Variants in ZNF91 observed in about 807,000 individuals in gnomAD.
The protein encoded by ZNF91 is zinc finger protein 91 (HPF7, HTF10).
A neutral mutation model predicts 12.6 loss-of-function variants in ZNF91; 7 were observed. That is an observed-to-expected ratio of 0.55 (90% CI 0.31 to 1.04). The LOEUF (loss-of-function observed/expected upper bound fraction) is 1.04, where lower values mean the gene tolerates loss of function less well. Ranked by LOEUF, ZNF91 falls within the 50% of genes least tolerant of loss-of-function variation. The probability of loss-of-function intolerance (pLI) is 0.05; values close to 1 mark genes in which losing one functional copy is unlikely to be tolerated. For missense variants in ZNF91, 1,217 were observed against 1,385.4 expected (o/e 0.88, Z 1.93); for synonymous variants, 453 against 462.6 (o/e 0.98, Z 0.27).
At chr19:23,329,771 A>G (rs1464531531) in intron 1 of ZNF91, among the ~76,000 whole-genome samples, 2 of 152,150 alleles carry the variant, frequency 1.3e-5, no homozygotes, top group East Asian at 3.9e-4. Context: ...ATGGCAAACA[A>G]AATAGTGATG....
rs752658927 is a variant in ZNF91 at position 23,361,422 on chromosome 19, T to G, written c.1557A>C (p.Lys519Asn). The change falls in exon 4 of 4, where the codon AAA becomes AAC. Residue 519 changes from lysine (K) to asparagine (N), a missense_variant. Lys to Asn is a moderately conservative substitution (Grantham distance 94). Transcript: ENST00000300619. Reference protein sequence around the residue: ...KIIHTGEKPYKFEECGKAFRQ... With the variant: ...KIIHTGEKPYNFEECGKAFRQ... ...TAAAAGCTTTGCCACATTCTTCAAA[T>G]TTGTAGGGTTTCTCTCCAGTATGAA... 7.4e-6 allele frequency: 12 copies of G among 1,613,434 alleles called. No homozygotes were observed. The highest frequency in any genetic ancestry group is 1.0e-5 in the Non-Finnish European group (12 of 1,179,736).
downstream of ZNF91, among the ~76,000 whole-genome samples, chr19:23,355,820 G>T (rs191196514): frequency 6.6e-6 from 1 of 151,838 alleles, no homozygotes; most frequent in South Asian, 2.1e-4. Flanking sequence ...AAAAACAATC[G>T]CATCAAAAAG....
At position 23,380,345 on chromosome 19, in the gene ZNF91, G is replaced by A. The variant is rs1207218526; in HGVS notation, c.31-5581C>T. The A allele has an allele frequency of 4.9e-5, 7 of 143,664 alleles. No individual in the cohort carries two copies. The East Asian group carries it at 8.1e-4, about 17-fold the overall frequency. 8.9% of individuals were successfully genotyped at this position (143,664 alleles called of 1,614,324 possible). A position where few individuals can be genotyped will look rare whatever the true frequency, so the allele number is the denominator to read the frequency against. ...CAGAAGGAGAGCTTGCAGGCCTCCC[G>A]GGTAGAATCGCACCTTCACAATAAT... On this transcript the variant is annotated intron_variant, in intron 1 of 3. Transcript: ENST00000300619.
chr19:23,388,039 A>T (rs1048428603), intron 1 of ZNF91, among the ~76,000 whole-genome samples: 1 of 151,456 alleles, frequency 6.6e-6, no homozygotes, highest in African/African-American at 2.4e-5. Context: ...TAAGGTCAGG[A>T]GTTCCAGACC....
chr19:23,366,562 T>C (rs1022525479), intron 3 of ZNF91, among the ~76,000 whole-genome samples: 2 of 152,150 alleles, frequency 1.3e-5, no homozygotes, highest in Admixed American at 1.3e-4. Flanking sequence ...GCAGACTGTA[T>C]AAAAAGTCTG....
rs903527858 is a variant in ZNF91 at position 23,358,601 on chromosome 19, C to CT, written c.*801dup. 2 of 152,440 alleles carry CT rather than the reference C, an allele frequency of 1.3e-5. No individual in the cohort carries two copies. The highest frequency in any genetic ancestry group is 4.8e-5 in the African/African-American group (2 of 41,430). The allele number at this position is 152,440 out of a possible 1,614,324, so 9.4% of individuals were successfully genotyped here. On this transcript the variant is annotated 3_prime_UTR_variant, in exon 4 of 4. Coordinates refer to ENST00000300619, the MANE Select transcript of ZNF91 (RefSeq NM_003430.4). ...GTACGATGTGAGCAGGTATTAATGG[C>CT]TTTTTGTCTATATTTGTTCACTTTT...
At chr19:23,319,991 G>A (rs1333560520) in intron 1 of ZNF91, among the ~76,000 whole-genome samples, 1 of 152,194 alleles carries the variant, frequency 6.6e-6, no homozygotes, top group African/African-American at 2.4e-5. Flanking sequence ...AAGCCCACAA[G>A]TGGTACAGAG....
intron 1 of ZNF91, among the ~76,000 whole-genome samples, chr19:23,329,883 T>C (rs1967896889): frequency 6.6e-6 from 1 of 151,786 alleles, no homozygotes; most frequent in African/African-American, 2.4e-5. Flanking sequence ...CCCCAGAGAG[T>C]TCCATCAAGG....
chr19:23,351,384 G>A (rs1008601241), intron 3 of ZNF91, among the ~76,000 whole-genome samples: 4 of 151,954 alleles, frequency 2.6e-5, no homozygotes, highest in African/African-American at 9.7e-5. Flanking sequence ...ATACTTCAGG[G>A]TATAAATTCA....
rs1023300730 is a variant in ZNF91 at position 23,305,274 on chromosome 19, TAA to T, written n.278-145_278-144del. Reference sequence around the variant, plus strand: ...AATGTCCATTTATGAGTATGTCTTATAAAAAAAAAGGTAAGTCAGAGATCATT... The same window carrying T: ...AATGTCCATTTATGAGTATGTCTTATAAAAAAAGGTAAGTCAGAGATCATT... On this transcript the variant is annotated intron_variant and non_coding_transcript_variant, in intron 3 of 3. Transcript: ENST00000593292. 6.6e-5 allele frequency: 10 copies of T among 151,420 alleles called. No individual in the cohort carries two copies. In the South Asian group the frequency reaches 2.1e-3, roughly 32 times the overall value. 9.4% of individuals were successfully genotyped at this position (151,420 alleles called of 1,614,324 possible).
At chr19:23,395,233 T>G in intron 1 of ZNF91, 92 bp downstream of exon 1, 2 of 1,501,148 alleles carry the variant, frequency 1.3e-6, no homozygotes, top group Non-Finnish European at 1.8e-6. Context: ...TGGAGCTGAC[T>G]GAAGGAAGGC....
chr19:23,351,977 A>G (rs1968378883), intron 3 of ZNF91, among the ~76,000 whole-genome samples: 1 of 152,178 alleles, frequency 6.6e-6, no homozygotes, highest in Non-Finnish European at 1.5e-5. Context: ...GGTGTAAAAC[A>G]CTGAAGGGAG....
intron 3 of ZNF91, among the ~76,000 whole-genome samples, chr19:23,340,545 T>A (rs550200579): frequency 6.6e-6 from 1 of 151,640 alleles, no homozygotes; most frequent in African/African-American, 2.4e-5. Context: ...TAAAAAAAAA[T>A]GTCTTGACAA....
intron 3 of ZNF91, among the ~76,000 whole-genome samples, chr19:23,350,862 T>G (rs1418259863): frequency 6.6e-6 from 1 of 152,138 alleles, no homozygotes; most frequent in Non-Finnish European, 1.5e-5. Flanking sequence ...TGCCCTGTCC[T>G]TACTTGGGGC....
upstream of ZNF91, among the ~76,000 whole-genome samples, chr19:23,311,463 A>C (rs1311086431): frequency 1.3e-5 from 2 of 152,178 alleles, no homozygotes; most frequent in African/African-American, 2.4e-5. Context: ...TCTTGCCAAA[A>C]GTGGGGATTG....
At chr19:23,331,086 G>C (rs1013432775) in intron 1 of ZNF91, among the ~76,000 whole-genome samples, 13 of 152,174 alleles carry the variant, frequency 8.5e-5, no homozygotes, top group African/African-American at 3.1e-4. Flanking sequence ...GTTGGGTGAT[G>C]TAAGTTTTCC....
intron 1 of ZNF91, among the ~76,000 whole-genome samples, chr19:23,386,059 A>G (rs1178011366): frequency 6.6e-6 from 1 of 152,198 alleles, no homozygotes; most frequent in Non-Finnish European, 1.5e-5. Flanking sequence ...ACATAATCCC[A>G]TTCACAATTG....
upstream of ZNF91, among the ~76,000 whole-genome samples, chr19:23,310,897 AT>A (rs1227401325): frequency 6.6e-6 from 1 of 152,180 alleles, no homozygotes; most frequent in Non-Finnish European, 1.5e-5. Flanking sequence ...AAAAGGCACT[AT>A]TACAAATTAC....
chr19:23,345,060 T>C (rs295393), intron 3 of ZNF91, among the ~76,000 whole-genome samples: 45,156 of 152,098 alleles, frequency 0.3, 7,120 homozygotes, highest in African/African-American at 0.4. Flanking sequence ...AAAAATCCAA[T>C]GTTGGCCCAA....
Sources: gnomAD v4.1 joint callset for allele counts (sites outside exome capture counted in the v4.1 genomes callset) on GRCh38, gnomAD v4.1.1 for gene constraint, MANE v1.5 for transcripts, NCBI Gene and HGNC (gene_info 2026-07-23, HGNC 2026-07-21) for gene names.